Variants in DGKB observed in about 807,000 individuals in gnomAD.
DGKB encodes the protein 90 kDa diacylglycerol kinase.
Under a neutral mutation model 114.3 loss-of-function variants are expected in DGKB, and 67 were observed. The observed-to-expected ratio is 0.59, with a 90% CI of 0.48 to 0.72. DGKB has a LOEUF of 0.72. DGKB is among the 30% of genes least tolerant of loss of function. The probability of loss-of-function intolerance (pLI) is 0.00; values close to 1 mark genes in which losing one functional copy is unlikely to be tolerated. For missense variants in DGKB, 907 were observed against 975.2 expected (o/e 0.93, Z 0.93); for synonymous variants, 398 against 323.1 (o/e 1.23, Z -2.49).
intron 25 of DGKB, among the ~76,000 whole-genome samples, chr7:14,158,448 TG>T (rs1269023370): frequency 1.3e-5 from 2 of 152,232 alleles, no homozygotes; most frequent in African/African-American, 4.8e-5. Context: ...TTTGTTTGTT[TG>T]TTTAATCAAG....
chr7:14,204,983 T>C (rs1053579302), intron 23 of DGKB, among the ~76,000 whole-genome samples: 1 of 152,038 alleles, frequency 6.6e-6, no homozygotes, highest in Non-Finnish European at 1.5e-5. Context: ...TATCCTATGT[T>C]TTTATCCTCT....
intron 23 of DGKB, among the ~76,000 whole-genome samples, chr7:14,263,409 T>C (rs1004158958): frequency 6.6e-6 from 1 of 152,214 alleles, no homozygotes; most frequent in African/African-American, 2.4e-5. Context: ...AGCTCATCTA[T>C]TGCAATTTTG....
chr7:14,423,522 G>T (rs772533900), intron 21 of DGKB, among the ~76,000 whole-genome samples: 1 of 152,000 alleles, frequency 6.6e-6, no homozygotes, highest in East Asian at 1.9e-4. Flanking sequence ...GAATCTAAGT[G>T]CACGTACATT....
chr7:14,227,135 C>T (rs1338346160), intron 23 of DGKB, among the ~76,000 whole-genome samples: 1 of 152,024 alleles, frequency 6.6e-6, no homozygotes, highest in African/African-American at 2.4e-5. Flanking sequence ...ATGAGAAGTC[C>T]AGGGTTAGAA....
intron 13 of DGKB, among the ~76,000 whole-genome samples, chr7:14,651,438 A>T (rs1585357357): frequency 6.8e-6 from 1 of 147,802 alleles, no homozygotes; most frequent in East Asian, 2.0e-4. Context: ...GCCTTTGACA[A>T]AATTCAACAA....
chr7:14,279,138 C>A (rs557341362), intron 23 of DGKB, among the ~76,000 whole-genome samples: 3 of 152,192 alleles, frequency 2.0e-5, no homozygotes, highest in African/African-American at 7.2e-5. Flanking sequence ...CCTGGAAAAT[C>A]GGGTCACTCC....
intron 1 of DGKB, among the ~76,000 whole-genome samples, chr7:14,952,180 A>G (rs1320247638): frequency 6.6e-6 from 1 of 152,014 alleles, no homozygotes; most frequent in African/African-American, 2.4e-5. Flanking sequence ...AATTTAAGGA[A>G]CTACCGGGAG....
chr7:14,577,694 A>C (rs1429578885), intron 19 of DGKB, among the ~76,000 whole-genome samples: 1 of 152,214 alleles, frequency 6.6e-6, no homozygotes, highest in Non-Finnish European at 1.5e-5. Context: ...CTTGCAATTA[A>C]ATTTTTGTTA....
chr7:14,606,618 A>G (rs1563658962), intron 17 of DGKB, among the ~76,000 whole-genome samples: 1 of 151,860 alleles, frequency 6.6e-6, no homozygotes, highest in Non-Finnish European at 1.5e-5. Context: ...AAAATGAAGC[A>G]TGCATAAAGC....
chr7:14,914,090 C>G (rs1587370165), intron 1 of DGKB, among the ~76,000 whole-genome samples: 1 of 152,246 alleles, frequency 6.6e-6, no homozygotes, highest in East Asian at 1.9e-4. Context: ...TAAAATATCA[C>G]AGGGGAAATT....
At chr7:14,208,019 A>T (rs1478247785) in intron 23 of DGKB, among the ~76,000 whole-genome samples, 1 of 152,040 alleles carries the variant, frequency 6.6e-6, no homozygotes, top group Non-Finnish European at 1.5e-5. Context: ...ATTCTCAGTA[A>T]AGTTTTACAG....
At position 14,869,437 on chromosome 7, in the gene DGKB, C is replaced by T. The variant is rs117289012; in HGVS notation, c.-187-27987G>A. On this transcript the variant is annotated intron_variant, in intron 1 of 25. Transcript: ENST00000402815. ...ACACATTGTATTACAACTTTACAATCGATATACACTCCTCCAATTAAGAAA... is the reference window on the plus strand; with the variant it reads ...ACACATTGTATTACAACTTTACAATTGATATACACTCCTCCAATTAAGAAA... 1.6e-4 allele frequency among the ~76,000 whole-genome samples: 24 copies of T among 152,104 alleles called. No homozygotes were observed. In the East Asian group the frequency reaches 4.1e-3, roughly 26 times the overall value.
chr7:14,746,855 A>C (rs973742006), intron 4 of DGKB, among the ~76,000 whole-genome samples: 1 of 152,148 alleles, frequency 6.6e-6, no homozygotes, highest in African/African-American at 2.4e-5. Flanking sequence ...TTTCTGAATA[A>C]AAACTTCAGG....
chr7:14,877,402 A>G (rs1315924924), intron 1 of DGKB, among the ~76,000 whole-genome samples: 1 of 152,164 alleles, frequency 6.6e-6, no homozygotes, highest in Non-Finnish European at 1.5e-5. Context: ...CTGAAAATAA[A>G]AAATTAGCCA....
At chr7:14,626,942 A>C (rs1808703768) in intron 14 of DGKB, among the ~76,000 whole-genome samples, 1 of 152,132 alleles carries the variant, frequency 6.6e-6, no homozygotes, top group Non-Finnish European at 1.5e-5. Flanking sequence ...TTTCTGTGTA[A>C]GCTTGGGCAA....
intron 12 of DGKB, among the ~76,000 whole-genome samples, chr7:14,674,707 G>A (rs1015388301): frequency 1.3e-5 from 2 of 152,030 alleles, no homozygotes; most frequent in Non-Finnish European, 2.9e-5. Flanking sequence ...GAGAGACAAC[G>A]GCACAGAGAG....
At chr7:14,965,812 AT>A (rs1787113390) in intron 1 of DGKB, among the ~76,000 whole-genome samples, 1 of 152,074 alleles carries the variant, frequency 6.6e-6, no homozygotes, top group South Asian at 2.1e-4. Context: ...GCTCTCTTTC[AT>A]TTGGCACTGG....
chr7:14,475,003 G>T (rs1781959100), intron 21 of DGKB, among the ~76,000 whole-genome samples: 1 of 152,014 alleles, frequency 6.6e-6, no homozygotes, highest in African/African-American at 2.4e-5. Flanking sequence ...ACTCTCTTAA[G>T]CAACGGAAAA....
chr7:14,863,044 T>C (rs964415365), intron 1 of DGKB, among the ~76,000 whole-genome samples: 2 of 152,016 alleles, frequency 1.3e-5, no homozygotes, highest in African/African-American at 4.8e-5. Context: ...AAATGTAAAT[T>C]TGGTCATGGT....
Sources: allele counts gnomAD v4.1 joint callset (sites outside exome capture counted in the v4.1 genomes callset), GRCh38; gene constraint gnomAD v4.1.1; transcripts MANE v1.5; gene names NCBI Gene and HGNC (gene_info 2026-07-23, HGNC 2026-07-21).